The following ZNF726 variants were observed in gnomAD, a reference collection of about 807,000 sequenced individuals.
ZNF726 encodes zinc finger protein 92 pseudogene 3.
In ZNF726, 15 loss-of-function variants were observed where a neutral mutation model predicts 11.6. That is an observed-to-expected ratio of 1.29 (90% CI 0.86 to 1.99). The LOEUF (loss-of-function observed/expected upper bound fraction) is 1.99, where lower values mean the gene tolerates loss of function less well. ZNF726 is among the 30% of genes most tolerant of loss of function. ZNF726 has a pLI of 0.00. For synonymous variants in ZNF726, 295 were observed against 243.6 expected, an observed-to-expected ratio of 1.21 and a Z score of -1.96; for missense variants, 890 against 725.6, an observed-to-expected ratio of 1.23 and a Z score of -2.60.
At chr19:23,921,428 T>C (rs1209819372) in intron 3 of ZNF726, 1 of 152,282 alleles carries the variant, frequency 6.6e-6, no homozygotes, top group Non-Finnish European at 1.5e-5. Flanking sequence ...TTTTCATTAC[T>C]GTGAAAAACT....
chr19:23,915,459 G>C (rs1283064710), intron 1 of ZNF726, among the ~76,000 whole-genome samples: 1 of 152,208 alleles, frequency 6.6e-6, no homozygotes, highest in Non-Finnish European at 1.5e-5. Context: ...GCACCTTGCT[G>C]TGGTTTCTAA....
chr19:23,925,186 C>T (rs1264061391), intron 3 of ZNF726, among the ~76,000 whole-genome samples: 1 of 151,664 alleles, frequency 6.6e-6, no homozygotes, highest in East Asian at 1.9e-4. Flanking sequence ...TTTTTCAAGG[C>T]TGAATAATAT....
At position 23,934,453 on chromosome 19, in the gene ZNF726, A is replaced by G; in HGVS notation, c.*486A>G. The G allele has an allele frequency of 2.5e-6, 1 of 404,040 alleles. No individual in the cohort carries two copies. Among genetic ancestry groups the G allele is most frequent in the Non-Finnish European group, 5.0e-6 (1 of 200,832 alleles). 25.0% of individuals were successfully genotyped at this position (404,040 alleles called of 1,614,324 possible). ...TCCTGAGTAACCATAAGATAATTCA[A>G]ACTGGAAAGAAACCCTGCAAGTCTG... is the stretch of plus-strand genomic sequence containing the variant. On this transcript the variant is annotated 3_prime_UTR_variant, in exon 4 of 4. Transcript: ENST00000594466.
chr19:23,934,878 C>T (rs761614406), downstream of ZNF726, among the ~76,000 whole-genome samples: 16 of 152,358 alleles, frequency 1.1e-4, no homozygotes, highest in Admixed American at 2.0e-4. Context: ...TAGCTTCCTT[C>T]CTTCTGGCAG....
chr19:23,938,102 C>T (rs554773430), downstream of ZNF726, among the ~76,000 whole-genome samples: 1 of 152,296 alleles, frequency 6.6e-6, no homozygotes, highest in Admixed American at 6.5e-5. Flanking sequence ...AGATAATGGA[C>T]TGACATCTCT....
chr19:23,941,918 A>C (rs1224904523), intron 3 of ZNF726, among the ~76,000 whole-genome samples: 1 of 151,930 alleles, frequency 6.6e-6, no homozygotes, highest in Non-Finnish European at 1.5e-5. Context: ...TTTTCTAAGG[A>C]GTAGCTCTTT....
intron 2 of ZNF726, 95 bp from the exon 3 acceptor site, chr19:23,919,892 G>T (rs921269313): frequency 1.5e-6 from 1 of 681,076 alleles, no homozygotes; most frequent in South Asian, 2.2e-5. Flanking sequence ...AAATTTATTA[G>T]AATATTCTAT....
intron 1 of ZNF726, among the ~76,000 whole-genome samples, chr19:23,918,280 TGAA>T (rs1280618480): frequency 2.0e-5 from 3 of 152,144 alleles, no homozygotes; most frequent in African/African-American, 2.4e-5. Flanking sequence ...GCTAAACTTT[TGAA>T]GAATAATTTC....
chr19:23,938,703 G>A (rs140664254), downstream of ZNF726, among the ~76,000 whole-genome samples: 261 of 150,092 alleles, frequency 1.7e-3, 2 homozygotes, highest in East Asian at 0.033. Context: ...TGCCTTTCAG[G>A]TTCAAGCAGT....
chr19:23,931,690 A>G (rs1442802540), intron 3 of ZNF726, among the ~76,000 whole-genome samples: 1 of 152,200 alleles, frequency 6.6e-6, no homozygotes, highest in Non-Finnish European at 1.5e-5. Context: ...TTTTTCAAAC[A>G]TATTCTTAGG....
chr19:23,919,261 C>T, intron 1 of ZNF726, 112 bp from the exon 2 acceptor site: 8 of 1,479,058 alleles, frequency 5.4e-6, no homozygotes, highest in South Asian at 1.2e-5. Flanking sequence ...AATTTCAGTC[C>T]CTCTTATAAG....
chr19:23,939,399 A>G (rs1484859072), downstream of ZNF726, among the ~76,000 whole-genome samples: 1 of 152,202 alleles, frequency 6.6e-6, no homozygotes, highest in African/African-American at 2.4e-5. Flanking sequence ...CCACGAGTTC[A>G]AAATTGTGAA....
intron 3 of ZNF726, among the ~76,000 whole-genome samples, chr19:23,943,341 A>G (rs1230336467): frequency 6.6e-6 from 1 of 152,238 alleles, no homozygotes; most frequent in African/African-American, 2.4e-5. Flanking sequence ...GAAATGTAAA[A>G]TATGTTCTAA....
intron 3 of ZNF726, among the ~76,000 whole-genome samples, chr19:23,923,272 G>A (rs531364523): frequency 1.8e-4 from 28 of 152,084 alleles, no homozygotes; most frequent in Admixed American, 5.2e-4. Flanking sequence ...TGTAAAAATA[G>A]CATATATTTA....
chr19:23,928,462 T>C (rs1599463452), intron 3 of ZNF726: 1 of 152,324 alleles, frequency 6.6e-6, no homozygotes, highest in East Asian at 1.9e-4. Context: ...TTACTTTATA[T>C]ATTTTGGAGC....
intron 3 of ZNF726, among the ~76,000 whole-genome samples, chr19:23,939,862 A>ATTTTTTTTTTTTTTTTTTTTTTTTTTTT (rs374902806): frequency 1.1e-5 from 1 of 87,138 alleles, no homozygotes; most frequent in Non-Finnish European, 2.2e-5. Flanking sequence ...TTTTGATGGG[A>ATTTTTTTTTTTTTTTTTTTTTTTTTTTT]TTTTTTTTTT....
intron 3 of ZNF726, among the ~76,000 whole-genome samples, chr19:23,942,195 C>T (rs1968349366): frequency 6.6e-6 from 1 of 152,052 alleles, no homozygotes; most frequent in Non-Finnish European, 1.5e-5. Context: ...TTTTTATGTT[C>T]CATATTGGTT....
chr19:23,930,580 G>A (rs541346256), intron 3 of ZNF726, among the ~76,000 whole-genome samples: 1 of 152,072 alleles, frequency 6.6e-6, no homozygotes, highest in African/African-American at 2.4e-5. Flanking sequence ...ATGTTTGTTT[G>A]CCTGTATAAA....
At chr19:23,915,833 C>T (rs1310640695) in intron 1 of ZNF726, among the ~76,000 whole-genome samples, 2 of 152,134 alleles carry the variant, frequency 1.3e-5, no homozygotes, top group African/African-American at 4.8e-5. Flanking sequence ...CCACCCACCT[C>T]GGCCTTCCAA....
Sources: allele counts gnomAD v4.1 joint callset (sites outside exome capture counted in the v4.1 genomes callset), GRCh38; gene constraint gnomAD v4.1.1; transcripts MANE v1.5; gene names NCBI Gene and HGNC (gene_info 2026-07-23, HGNC 2026-07-21).